The following TAOK3 variants were observed in gnomAD, a reference collection of about 807,000 sequenced individuals.
The protein encoded by TAOK3 is TAO kinase 3, also known as serine/threonine-protein kinase TAO3.
TAOK3 carries 40 observed loss-of-function variants against 120.4 expected under a neutral mutation model. The observed-to-expected ratio is 0.33, with a 90% CI of 0.26 to 0.43. The LOEUF (loss-of-function observed/expected upper bound fraction) is 0.43. Among genes scored for constraint, TAOK3 ranks in the 20% least tolerant of loss-of-function variants. TAOK3 has a pLI of 1.00. For missense variants in TAOK3, 821 were observed against 1,112.1 expected, an observed-to-expected ratio of 0.74 and a Z score of 3.72; for synonymous variants, 355 against 387.5, an observed-to-expected ratio of 0.92 and a Z score of 0.99.
At chr12:118,337,720 TGAA>T (rs2044424708) in intron 1 of TAOK3, among the ~76,000 whole-genome samples, 1 of 152,146 alleles carries the variant, frequency 6.6e-6, no homozygotes, top group South Asian at 2.1e-4. Context: ...ATTATAGACA[TGAA>T]GAACAGATTA....
chr12:118,341,695 T>G (rs1297755031), intron 1 of TAOK3, among the ~76,000 whole-genome samples: 1 of 152,164 alleles, frequency 6.6e-6, no homozygotes, highest in Admixed American at 6.5e-5. Flanking sequence ...ATTATTTTTA[T>G]CAAGGAATTC....
intron 1 of TAOK3, chr12:118,297,260 T>C (rs2042718714): frequency 6.6e-6 from 1 of 152,224 alleles, no homozygotes. Flanking sequence ...AAACCCCAGA[T>C]ACCAGTCAAT....
chr12:118,150,973 T>TTTAAATGGCAAAAAATTTAA lies in TAOK3; in HGVS notation c.*23_*24insTTAAATTTTTTGCCATTTAA. ...TCTGTTTTCTTTTTTTTTTTTTTTT[T>TTTAAATGGCAAAAAATTTAA]TGTAAATGGCAAAAAATTTAATCTC... On this transcript the variant is annotated 3_prime_UTR_variant, in exon 21 of 21. Transcript: ENST00000392533. 6.6e-7 allele frequency: 1 copy of TTTAAATGGCAAAAAATTTAA among 1,521,884 alleles called. No individual in the cohort carries two copies. The highest frequency in any genetic ancestry group is 8.8e-7 in the Non-Finnish European group (1 of 1,138,826). 94.3% of individuals were successfully genotyped at this position (1,521,884 alleles called of 1,614,324 possible).
chr12:118,152,789 A>G, intron 19 of TAOK3: 1 of 171,972 alleles, frequency 5.8e-6, no homozygotes. Flanking sequence ...AGAAAATAAC[A>G]AGAATAGTTC....
At chr12:118,369,898 C>A (rs1008707699) in intron 1 of TAOK3, among the ~76,000 whole-genome samples, 1 of 151,966 alleles carries the variant, frequency 6.6e-6, no homozygotes, top group African/African-American at 2.4e-5. Context: ...CTTTTTGAGA[C>A]GGAGTCCTGC....
chr12:118,259,311 C>T (rs540511025), intron 2 of TAOK3, among the ~76,000 whole-genome samples: 11 of 152,094 alleles, frequency 7.2e-5, no homozygotes, highest in East Asian at 1.9e-4. Flanking sequence ...TTTGGAAGGC[C>T]GAGGTGGGCA....
intron 7 of TAOK3, among the ~76,000 whole-genome samples, chr12:118,236,852 T>G (rs1260879588): frequency 6.6e-6 from 1 of 152,174 alleles, no homozygotes; most frequent in African/African-American, 2.4e-5. Flanking sequence ...TTATAAGTAT[T>G]TTGACTCTTC....
chr12:118,294,994 A>G (rs2042623726), intron 1 of TAOK3, among the ~76,000 whole-genome samples: 2 of 152,140 alleles, frequency 1.3e-5, no homozygotes, highest in South Asian at 2.1e-4. Flanking sequence ...TGTATGCTAG[A>G]TATAAATATG....
chr12:118,198,805 C>T, intron 13 of TAOK3: 2 of 516,498 alleles, frequency 3.9e-6, no homozygotes, highest in South Asian at 4.1e-5. Flanking sequence ...TTATCAAATT[C>T]TTCAACTTAT....
chr12:118,235,630 T>C lies in TAOK3; in HGVS notation c.479A>G (p.Gln160Arg). 6.2e-7 allele frequency: 1 copy of C among 1,613,626 alleles called. No homozygotes were observed. The highest frequency in any genetic ancestry group is 8.5e-7 in the Non-Finnish European group (1 of 1,179,856). ...AGNILLTEPGQVKLADFGSAS... is the reference protein window; with the variant it reads ...AGNILLTEPGRVKLADFGSAS... Reference sequence around the variant, plus strand: ...AGATCCAAAATCAGCTAGTTTTACCTGACCTGGCTCTGTTAGAAGAATATT... The same window carrying C: ...AGATCCAAAATCAGCTAGTTTTACCCGACCTGGCTCTGTTAGAAGAATATT... The change falls in exon 8 of 21, where the codon CAG becomes CGG. Residue 160 changes from glutamine to arginine, a missense_variant. This residue lies in a region of TAOK3 where 467 missense variants were observed against 540.0 expected (regional missense o/e 0.86). Coordinates refer to ENST00000392533, the MANE Select transcript of TAOK3 (RefSeq NM_016281.4).
intron 1 of TAOK3, among the ~76,000 whole-genome samples, chr12:118,345,954 C>T (rs2141170481): frequency 6.6e-6 from 1 of 152,170 alleles, no homozygotes; most frequent in South Asian, 2.1e-4. Context: ...TAATGATATA[C>T]TGTTAAAGTA....
intron 1 of TAOK3, among the ~76,000 whole-genome samples, chr12:118,303,131 C>A (rs1459018389): frequency 6.6e-6 from 1 of 152,146 alleles, no homozygotes; most frequent in Non-Finnish European, 1.5e-5. Context: ...CAGCTTGGCC[C>A]TATTTCAACT....
intron 1 of TAOK3, among the ~76,000 whole-genome samples, chr12:118,355,657 A>G (rs1204202788): frequency 1.3e-5 from 2 of 152,228 alleles, no homozygotes; most frequent in Non-Finnish European, 2.9e-5. Context: ...TCTATACATA[A>G]TGCCATGTGT....
intron 1 of TAOK3, among the ~76,000 whole-genome samples, chr12:118,317,970 T>A (rs2043539890): frequency 6.6e-6 from 1 of 152,038 alleles, no homozygotes; most frequent in South Asian, 2.1e-4. Context: ...AACATTCATA[T>A]CTACAGCAAA....
intron 13 of TAOK3, among the ~76,000 whole-genome samples, chr12:118,195,838 C>A (rs911793102): frequency 1.3e-5 from 2 of 152,064 alleles, no homozygotes; most frequent in African/African-American, 4.8e-5. Flanking sequence ...ATCACGAGGT[C>A]AGGAGATCGA....
intron 2 of TAOK3, among the ~76,000 whole-genome samples, chr12:118,261,195 G>A (rs538770606): frequency 1.3e-5 from 2 of 152,310 alleles, no homozygotes; most frequent in South Asian, 2.1e-4. Flanking sequence ...ACATCTTCAC[G>A]TGGCCTACTG....
At chr12:118,190,347 G>C (rs912987113) in intron 13 of TAOK3, 2 of 158,266 alleles carry the variant, frequency 1.3e-5, no homozygotes, top group African/African-American at 4.8e-5. Context: ...ACATAAAAGC[G>C]AGCCTCCGCC....
rs117461257 is a variant in TAOK3, at chr12:118,318,764, G to A, written c.-193-52005C>T. ...AAGGAAATGAAATGAATATGTGAAA[G>A]AGATATGTACTTTTCATGTTCATTG... On this transcript the variant is annotated intron_variant, in intron 1 of 20. Transcript: ENST00000392533. 2.4e-3 allele frequency among the ~76,000 whole-genome samples: 370 copies of A among 152,302 alleles called. 11 individuals carry two copies. In the East Asian group the frequency reaches 0.061, roughly 25 times the overall value.
chr12:118,285,172 A>G (rs2042221300), intron 1 of TAOK3, among the ~76,000 whole-genome samples: 1 of 152,006 alleles, frequency 6.6e-6, no homozygotes, highest in African/African-American at 2.4e-5. Context: ...CCTCCTGAGT[A>G]GCTGGGATTA....
Sources: gnomAD v4.1 joint callset for allele counts (sites outside exome capture counted in the v4.1 genomes callset) on GRCh38, gnomAD v4.1.1 for gene constraint, gnomAD v4.1.1 regional missense constraint, MANE v1.5 for transcripts, NCBI Gene and HGNC (gene_info 2026-07-23, HGNC 2026-07-21) for gene names.